MAGI2: variants seen among roughly 807,000 people sequenced by gnomAD.
MAGI2 encodes the protein membrane-associated guanylate kinase, WW and PDZ domain-containing protein 2.
MAGI2 carries 35 observed loss-of-function variants against 133.3 expected under a neutral mutation model. The observed-to-expected ratio is 0.26, with a 90% CI of 0.20 to 0.35. MAGI2 has a LOEUF of 0.35. MAGI2 is among the 10% of genes least tolerant of loss of function. The pLI is 1.00. For synonymous variants in MAGI2, 729 were observed against 710.6 expected, an observed-to-expected ratio of 1.03 and a Z score of -0.41; for missense variants, 1,636 against 1,863.4, an observed-to-expected ratio of 0.88 and a Z score of 2.25.
rs6961792 is a variant in MAGI2 at position 78,643,231 on chromosome 7, G to T, written c.419-15992C>A. On this transcript the variant is annotated intron_variant, in intron 2 of 21. Transcript: ENST00000354212. Reference sequence around the variant, plus strand: ...AAGTTAGAGTAAGGATATTCAGAAAGGTAACTAAGAAATGCCAAGAAAGTA... The same window carrying T: ...AAGTTAGAGTAAGGATATTCAGAAATGTAACTAAGAAATGCCAAGAAAGTA... Among the ~76,000 whole-genome samples, 824 of 152,228 alleles carry T rather than the reference G, an allele frequency of 5.4e-3. 9 individuals carry two copies. Among genetic ancestry groups the T allele is most frequent in the African/African-American group, 0.019 (791 of 41,546 alleles).
chr7:78,936,544 C>G (rs1046604261), intron 2 of MAGI2, among the ~76,000 whole-genome samples: 2 of 151,854 alleles, frequency 1.3e-5, no homozygotes, highest in African/African-American at 4.8e-5. Flanking sequence ...AATGCTTATG[C>G]TATATATTTT....
rs74771292 is a variant in MAGI2, at chr7:78,092,847, C to T, written c.3568-13762G>A. Among the ~76,000 whole-genome samples, 889 of 152,206 alleles carry T rather than the reference C, an allele frequency of 5.8e-3. 13 individuals carry two copies. Among genetic ancestry groups the T allele is most frequent in the African/African-American group, 0.019 (796 of 41,522 alleles). On this transcript the variant is annotated intron_variant, in intron 20 of 21. Coordinates refer to ENST00000354212, the MANE Select transcript of MAGI2 (RefSeq NM_012301.4). ...ATGTTGATTCACAGTCATACTGTTA[C>T]CTCTATTGCTTTACCAATTTCTTGA...
chr7:78,634,490 T>C (rs1346636085), intron 2 of MAGI2, among the ~76,000 whole-genome samples: 1 of 152,144 alleles, frequency 6.6e-6, no homozygotes, highest in Non-Finnish European at 1.5e-5. Context: ...GAGAAAGCAA[T>C]TGGAAATCTG....
At chr7:78,711,534 A>G (rs10256096) in intron 2 of MAGI2, among the ~76,000 whole-genome samples, 57,024 of 151,886 alleles carry the variant, frequency 0.38, 10,953 homozygotes, top group Middle Eastern at 0.45. Context: ...TTCCCCTTAG[A>G]GCCATATTTT....
chr7:78,361,392 C>CA (rs34120550), intron 7 of MAGI2, among the ~76,000 whole-genome samples: 98,344 of 126,494 alleles, frequency 0.78, 37,900 homozygotes, highest in Admixed American at 0.82. Context: ...GACTCCATCT[C>CA]AAAAAAAAAA....
At chr7:79,386,860 T>G (rs1204128460) in intron 1 of MAGI2, among the ~76,000 whole-genome samples, 1 of 151,986 alleles carries the variant, frequency 6.6e-6, no homozygotes, top group Admixed American at 6.6e-5. Context: ...GGGGGCTGTT[T>G]TGGCACTTCA....
In MAGI2 at chr7:78,274,914, T is replaced by C. The variant is rs117674641; in HGVS notation, c.1409-18333A>G. ...GACCCGCTGAGCCAGACCACTTGGC[T>C]CCCTGGCCTCAGCCTCTTTTCCTTT... On this transcript the variant is annotated intron_variant, in intron 9 of 21. Coordinates refer to ENST00000354212, the MANE Select transcript of MAGI2 (RefSeq NM_012301.4). Among the ~76,000 whole-genome samples, 85 of 152,180 alleles carry C rather than the reference T, an allele frequency of 5.6e-4. No individual in the cohort carries two copies. In the East Asian group the frequency reaches 0.014, roughly 24 times the overall value.
chr7:78,345,970 G>C lies in MAGI2; in HGVS notation c.1177C>G (p.Pro393Ala). The C allele has an allele frequency of 1.9e-6, 3 of 1,614,192 alleles. No homozygotes were observed. Among genetic ancestry groups the C allele is most frequent in the Non-Finnish European group, 2.5e-6 (3 of 1,180,014 alleles). Residue 393 changes from proline (P) to alanine (A), a missense_variant, in exon 8 of 22, where the codon CCC becomes GCC. Coordinates refer to ENST00000354212, the MANE Select transcript of MAGI2 (RefSeq NM_012301.4). ...AKRKLQQHNM[P>A]HTELGTKPLQ... ...GGCTTTGTTCCAAGTTCTGTGTGGG[G>C]CATGTTATGTTGCTGTAGCTTCCTT...
intron 6 of MAGI2, among the ~76,000 whole-genome samples, chr7:78,404,406 T>C (rs1228358993): frequency 6.6e-6 from 1 of 152,160 alleles, no homozygotes; most frequent in East Asian, 1.9e-4. Context: ...TCATGCTACC[T>C]GACTTCAAAC....
intron 20 of MAGI2, among the ~76,000 whole-genome samples, chr7:78,080,243 G>C (rs1039077161): frequency 1.3e-5 from 2 of 152,196 alleles, no homozygotes; most frequent in Non-Finnish European, 2.9e-5. Flanking sequence ...TCTCTAAGTG[G>C]TAAGGGTTCC....
chr7:79,126,957 C>A (rs972978965), intron 1 of MAGI2, among the ~76,000 whole-genome samples: 9 of 151,288 alleles, frequency 5.9e-5, no homozygotes, highest in Admixed American at 6.6e-5. Context: ...CTCCTCCCCC[C>A]ACCCCACAAC....
chr7:78,878,505 GA>G (rs1483609347), intron 2 of MAGI2, among the ~76,000 whole-genome samples: 1 of 152,162 alleles, frequency 6.6e-6, no homozygotes, highest in African/African-American at 2.4e-5. Context: ...TAATAGTAGT[GA>G]TTTGCTTAAG....
chr7:79,248,147 A>T (rs1832956428), intron 1 of MAGI2, among the ~76,000 whole-genome samples: 1 of 152,172 alleles, frequency 6.6e-6, no homozygotes, highest in South Asian at 2.1e-4. Flanking sequence ...AGACAAAAAT[A>T]GACTAAAAAT....
At chr7:78,631,874 A>G (rs925848106) in intron 2 of MAGI2, among the ~76,000 whole-genome samples, 1 of 152,214 alleles carries the variant, frequency 6.6e-6, no homozygotes, top group African/African-American at 2.4e-5. Flanking sequence ...ACTTGTTATC[A>G]GTATTACCTC....
At chr7:78,874,005 CA>C (rs1403981682) in intron 2 of MAGI2, among the ~76,000 whole-genome samples, 13 of 152,020 alleles carry the variant, frequency 8.6e-5, no homozygotes, top group Admixed American at 5.2e-4. Flanking sequence ...AATAGAGTTC[CA>C]CGAGGTGGCT....
At chr7:78,850,982 A>T (rs1793078899) in intron 2 of MAGI2, among the ~76,000 whole-genome samples, 1 of 152,026 alleles carries the variant, frequency 6.6e-6, no homozygotes, top group Non-Finnish European at 1.5e-5. Context: ...ACATGACTGG[A>T]TGTCTTTTTT....
chr7:79,158,230 C>T (rs1039757434), intron 1 of MAGI2, among the ~76,000 whole-genome samples: 4 of 151,828 alleles, frequency 2.6e-5, no homozygotes, highest in Non-Finnish European at 4.4e-5. Context: ...AAAATCATAA[C>T]ATGTACTTCT....
intron 2 of MAGI2, among the ~76,000 whole-genome samples, chr7:78,640,638 G>C (rs1317042959): frequency 6.6e-6 from 1 of 152,272 alleles, no homozygotes; most frequent in East Asian, 1.9e-4. Context: ...CCAACCAGTA[G>C]CATCAGCCCA....
chr7:79,214,385 CTCTCTCTCTCTCTCTCTCTCTCTATA>C (rs1411245669), intron 1 of MAGI2, among the ~76,000 whole-genome samples: 3 of 90,310 alleles, frequency 3.3e-5, no homozygotes, highest in African/African-American at 4.5e-5. Context: ...CTCTCTCTCT[CTCTCTCTCTCTCTCTCTCTCTCTATA>C]TATATATATA....
Sources: allele counts gnomAD v4.1 joint callset (sites outside exome capture counted in the v4.1 genomes callset), GRCh38; gene constraint gnomAD v4.1.1; transcripts MANE v1.5; gene names NCBI Gene and HGNC (gene_info 2026-07-23, HGNC 2026-07-21).